Variants in PARG observed in about 807,000 individuals in gnomAD.
PARG encodes mitochondrial poly(ADP-ribose) glycohydrolase.
A neutral mutation model predicts 113.0 loss-of-function variants in PARG; 35 were observed. The observed-to-expected ratio is 0.31, with a 90% CI of 0.24 to 0.41. PARG has a LOEUF of 0.41. Ranked by LOEUF, PARG falls within the 10% of genes least tolerant of loss-of-function variation. PARG has a pLI of 1.00. For synonymous variants in PARG, 330 were observed against 409.9 expected (o/e 0.81, Z 2.36); for missense variants, 797 against 1,169.4 (o/e 0.68, Z 4.64).
intron 4 of PARG, among the ~76,000 whole-genome samples, chr10:49,926,035 T>C (rs1461579294): frequency 1.3e-5 from 2 of 152,166 alleles, no homozygotes; most frequent in Non-Finnish European, 2.9e-5. Context: ...TAGCTAAACA[T>C]TTGATTTTTT....
At chr10:49,845,137 C>A (rs1226534261) in intron 13 of PARG, among the ~76,000 whole-genome samples, 4 of 152,126 alleles carry the variant, frequency 2.6e-5, no homozygotes, top group Non-Finnish European at 5.9e-5. Context: ...GGATGGAAAA[C>A]AAGTGGAAAT....
At chr10:49,828,092 C>CAAAAAAAAAAAAAAAAAAAAAA (rs71026274) in intron 16 of PARG, among the ~76,000 whole-genome samples, 3 of 50,406 alleles carry the variant, frequency 6.0e-5, no homozygotes, top group Non-Finnish European at 1.0e-4. Context: ...AAAGCTTAAA[C>CAAAAAAAAAAAAAAAAAAAAAA]AAAAAAAAAA....
chr10:49,906,629 T>A (rs1484003914), intron 7 of PARG, among the ~76,000 whole-genome samples: 2 of 152,164 alleles, frequency 1.3e-5, no homozygotes, highest in Middle Eastern at 3.4e-3. Context: ...AAAACAGAAA[T>A]ATTAATAGCA....
intron 16 of PARG, among the ~76,000 whole-genome samples, chr10:49,822,206 T>C (rs1182977423): frequency 6.6e-6 from 1 of 152,090 alleles, no homozygotes. Context: ...ATACTCATGA[T>C]GTCGAAAATA....
intron 10 of PARG, among the ~76,000 whole-genome samples, chr10:49,868,850 G>A (rs1412627598): frequency 2.0e-5 from 3 of 151,222 alleles, no homozygotes; most frequent in Admixed American, 2.0e-4. Flanking sequence ...AAGCTTAGAG[G>A]TGTCAAGAAA....
At chr10:49,838,346 G>A (rs1175641931) in intron 15 of PARG, among the ~76,000 whole-genome samples, 1 of 147,262 alleles carries the variant, frequency 6.8e-6, no homozygotes, top group Admixed American at 7.0e-5. Context: ...CAGGAGAATC[G>A]CTTGAACCCG....
chr10:49,859,085 G>C (rs1554835512), intron 12 of PARG, among the ~76,000 whole-genome samples: 4 of 148,186 alleles, frequency 2.7e-5, no homozygotes, highest in African/African-American at 7.4e-5. Flanking sequence ...AGATAGGAAA[G>C]CTTTACAAGG....
At chr10:49,881,261 T>C (rs1847200183) in intron 8 of PARG, among the ~76,000 whole-genome samples, 1 of 152,208 alleles carries the variant, frequency 6.6e-6, no homozygotes, top group African/African-American at 2.4e-5. Context: ...CCTGACCATC[T>C]TGGGCACATG....
At chr10:49,893,572 C>T (rs1285514816) in intron 7 of PARG, among the ~76,000 whole-genome samples, 3 of 152,154 alleles carry the variant, frequency 2.0e-5, no homozygotes, top group East Asian at 1.9e-4. Flanking sequence ...GCTGGAGTGT[C>T]GTGATGCAAT....
intron 6 of PARG, among the ~76,000 whole-genome samples, chr10:49,917,488 C>CAA (rs71026277): frequency 3.2e-4 from 15 of 47,564 alleles, no homozygotes; most frequent in South Asian, 7.0e-4. Context: ...GACTCCGTCT[C>CAA]AAAAAAAAAA....
Position 49,879,656 on chromosome 10 carries a change from G to A in PARG, c.1988+17C>T. 1.4e-6 allele frequency: 2 copies of A among 1,417,088 alleles called. No individual in the cohort carries two copies. Among genetic ancestry groups the A allele is most frequent in the Middle Eastern group, 2.5e-4 (1 of 4,002 alleles). The allele number at this position is 1,417,088 out of a possible 1,614,324, so 87.8% of individuals were successfully genotyped here. ...TTGTCTTTTTCATTGTTAAAGAGGT[G>A]TTTTCTGAAAACATACCGATTGAAG... On this transcript the variant is annotated intron_variant, in intron 9 of 17. Coordinates refer to ENST00000616448, the MANE Select transcript of PARG (RefSeq NM_003631.5).
At chr10:49,876,811 C>T (rs1325648359) in intron 9 of PARG, among the ~76,000 whole-genome samples, 11 of 150,664 alleles carry the variant, frequency 7.3e-5, no homozygotes, top group African/African-American at 2.4e-4. Flanking sequence ...GCTCATTGTA[C>T]ATTTGAACTA....
intron 8 of PARG, among the ~76,000 whole-genome samples, chr10:49,880,387 C>A (rs1273539459): frequency 6.6e-6 from 1 of 151,702 alleles, no homozygotes; most frequent in East Asian, 1.9e-4. Context: ...AACCACCATA[C>A]GGACATGCAT....
At chr10:49,925,114 C>T (rs1220638986) in intron 4 of PARG, among the ~76,000 whole-genome samples, 1 of 152,076 alleles carries the variant, frequency 6.6e-6, no homozygotes, top group Non-Finnish European at 1.5e-5. Context: ...GGAACAGTTT[C>T]ATTCTGAAAC....
intron 4 of PARG, among the ~76,000 whole-genome samples, chr10:49,929,553 C>T (rs1224057717): frequency 9.8e-5 from 15 of 152,330 alleles, no homozygotes; most frequent in Non-Finnish European, 1.8e-4. Flanking sequence ...TTTGGCTGGG[C>T]GCGGTGGCTC....
chr10:49,888,763 T>G (rs1285002953), intron 7 of PARG, among the ~76,000 whole-genome samples: 1 of 152,208 alleles, frequency 6.6e-6, no homozygotes, highest in Non-Finnish European at 1.5e-5. Context: ...TTATGACTTT[T>G]GTCAAATTTT....
intron 13 of PARG, among the ~76,000 whole-genome samples, chr10:49,844,968 A>T (rs1224349377): frequency 1.3e-5 from 2 of 152,252 alleles, no homozygotes; most frequent in African/African-American, 4.8e-5. Context: ...ACACAGGAAG[A>T]TATACAACTG....
intron 15 of PARG, among the ~76,000 whole-genome samples, chr10:49,838,771 T>TA (rs1564603335): frequency 6.6e-6 from 1 of 152,196 alleles, no homozygotes; most frequent in African/African-American, 2.4e-5. Flanking sequence ...TTATGAATTA[T>TA]AAATTAGACT....
chr10:49,868,155 T>C (rs1846612797), intron 10 of PARG, among the ~76,000 whole-genome samples: 1 of 152,096 alleles, frequency 6.6e-6, no homozygotes, highest in Non-Finnish European at 1.5e-5. Flanking sequence ...GCCTGGCTAA[T>C]TTTTGTATTT....
Sources: allele counts gnomAD v4.1 joint callset (sites outside exome capture counted in the v4.1 genomes callset), GRCh38; gene constraint gnomAD v4.1.1; transcripts MANE v1.5; gene names NCBI Gene and HGNC (gene_info 2026-07-23, HGNC 2026-07-21).